Variants in UBAP1 observed in about 807,000 individuals in gnomAD.
UBAP1 encodes ubiquitin associated protein 1.
A neutral mutation model predicts 39.0 loss-of-function variants in UBAP1; 5 were observed. That is an observed-to-expected ratio of 0.13 (90% CI 0.07 to 0.27). The LOEUF (loss-of-function observed/expected upper bound fraction) is 0.27. UBAP1 is among the 10% of genes least tolerant of loss of function. UBAP1 has a pLI of 1.00. For synonymous variants in UBAP1, 211 were observed against 225.1 expected (o/e 0.94, Z 0.56); for missense variants, 490 against 608.1 (o/e 0.81, Z 2.04).
chr9:34,214,738 T>C (rs1330531028), intron 1 of UBAP1, among the ~76,000 whole-genome samples: 1 of 152,070 alleles, frequency 6.6e-6, no homozygotes, highest in East Asian at 1.9e-4. Flanking sequence ...TCATAATGTA[T>C]ACATCTGACA....
intron 1 of UBAP1, among the ~76,000 whole-genome samples, chr9:34,179,469 GA>G (rs1022838641): frequency 8.5e-5 from 13 of 152,050 alleles, no homozygotes; most frequent in East Asian, 1.9e-4. Context: ...GTGGGATGCG[GA>G]AAAATGAGTT....
Position 34,190,773 on chromosome 9 carries a change from A to G in UBAP1, c.-8+11533A>G, listed in dbSNP as rs1410829111. On this transcript the variant is annotated intron_variant, in intron 1 of 6. Coordinates refer to ENST00000297661, the MANE Select transcript of UBAP1 (RefSeq NM_016525.5). ...TACCTCAGCCTCCCGAGTAGCTGGG[A>G]CTGCAGGCTCATGCCACCATGCCTG... Among the ~76,000 whole-genome samples, 3 of 146,516 alleles carry G rather than the reference A, an allele frequency of 2.0e-5. No homozygotes were observed. In the South Asian group the frequency reaches 6.5e-4, roughly 32 times the overall value.
In UBAP1 at chr9:34,241,625, G is replaced by A. The variant is rs1388063934; in HGVS notation, c.600G>A (p.Leu200=). 1 of 1,614,040 alleles carries A rather than the reference G, an allele frequency of 6.2e-7. No individual in the cohort carries two copies. Among genetic ancestry groups the A allele is most frequent in the Admixed American group, 1.7e-5 (1 of 60,012 alleles). The change falls in exon 4 of 7, where the codon TTG becomes TTA. Residue 200 remains leucine, a synonymous_variant. Transcript: ENST00000297661. ...PIMAQLLDNN[L]PRGGSGSVLQ... ...TGGCTCAGTTATTGGACAATAACTT[G>A]CCCAGGGGAGGCTCTGGGTCTGTGT...
At chr9:34,206,684 A>G (rs1306884941) in intron 1 of UBAP1, among the ~76,000 whole-genome samples, 4 of 152,074 alleles carry the variant, frequency 2.6e-5, no homozygotes, top group Non-Finnish European at 5.9e-5. Context: ...TTGGCTCGCT[A>G]GCTGTATGTG....
intron 2 of UBAP1, among the ~76,000 whole-genome samples, chr9:34,226,644 G>A (rs1833123784): frequency 6.6e-6 from 1 of 152,160 alleles, no homozygotes; most frequent in South Asian, 2.1e-4. Context: ...GGGAGTTCAA[G>A]GTTATAGTGA....
intron 4 of UBAP1, among the ~76,000 whole-genome samples, chr9:34,247,612 T>C (rs1834245066): frequency 6.6e-6 from 1 of 151,944 alleles, no homozygotes; most frequent in Non-Finnish European, 1.5e-5. Flanking sequence ...TTAGTAGAGA[T>C]GGGGTTTCTC....
At chr9:34,206,014 G>C (rs940251418) in intron 1 of UBAP1, 9 of 152,314 alleles carry the variant, frequency 5.9e-5, no homozygotes, top group African/African-American at 2.2e-4. Context: ...ACAAAAAACA[G>C]TTTGGGTCAA....
chr9:34,194,319 CTT>C (rs562506841), intron 1 of UBAP1, among the ~76,000 whole-genome samples: 68 of 143,704 alleles, frequency 4.7e-4, no homozygotes, highest in African/African-American at 1.5e-3. Flanking sequence ...AATTCTCTCT[CTT>C]TTTTTTTTTT....
chr9:34,179,102 G>A lies in UBAP1; in HGVS notation c.-146G>A. The A allele has an allele frequency of 7.8e-7, 1 of 1,279,870 alleles. No individual in the cohort carries two copies. Among genetic ancestry groups the A allele is most frequent in the Non-Finnish European group, 9.9e-7 (1 of 1,011,064 alleles). 79.3% of individuals were successfully genotyped at this position (1,279,870 alleles called of 1,614,324 possible). A position where few individuals can be genotyped will look rare whatever the true frequency, so the allele number is the denominator to read the frequency against. On this transcript the variant is annotated 5_prime_UTR_variant, in exon 1 of 7. It introduces an in-frame stop codon into an upstream open reading frame of the 5' UTR. Transcript: ENST00000297661. ...TGGCGGTGGCTACGGTGACGGCCTG[G>A]CCCGGAGCGGGCAGAGTTGGAGGTG...
intron 4 of UBAP1, among the ~76,000 whole-genome samples, chr9:34,247,790 C>T (rs1175512787): frequency 6.6e-6 from 1 of 152,140 alleles, no homozygotes; most frequent in African/African-American, 2.4e-5. Context: ...TAACCTAACA[C>T]CCTGTGCTGG....
chr9:34,238,707 G>A (rs920002111), intron 3 of UBAP1, among the ~76,000 whole-genome samples: 3 of 152,080 alleles, frequency 2.0e-5, no homozygotes, highest in South Asian at 2.1e-4. Flanking sequence ...ACTTTGTAAC[G>A]TTTTTCCATG....
intron 2 of UBAP1, among the ~76,000 whole-genome samples, chr9:34,231,149 G>A (rs912705738): frequency 6.6e-6 from 1 of 150,922 alleles, no homozygotes; most frequent in South Asian, 2.1e-4. Context: ...GTGTGTGTGT[G>A]TGTGTGTGTG....
At chr9:34,249,744 GTCT>G (rs1343070346) in intron 4 of UBAP1, 32 bp from the exon 5 acceptor site, 19 of 1,604,026 alleles carry the variant, frequency 1.2e-5, no homozygotes, top group African/African-American at 2.7e-5. Flanking sequence ...GGGGGCCCAG[GTCT>G]TCTTGCCTTA....
intron 1 of UBAP1, among the ~76,000 whole-genome samples, chr9:34,192,451 G>T (rs113181994): frequency 1.4e-5 from 2 of 147,578 alleles, no homozygotes; most frequent in African/African-American, 5.0e-5. Context: ...GGAGGTGGAG[G>T]TTGCAGTGAG....
chr9:34,207,653 A>G (rs1350501402), intron 1 of UBAP1, among the ~76,000 whole-genome samples: 1 of 132,448 alleles, frequency 7.6e-6, no homozygotes, highest in Admixed American at 7.6e-5. Flanking sequence ...ATTTCTTTTT[A>G]TTTATTTCTT....
chr9:34,217,108 T>C (rs988443636), intron 1 of UBAP1, among the ~76,000 whole-genome samples: 1 of 152,166 alleles, frequency 6.6e-6, no homozygotes, highest in Non-Finnish European at 1.5e-5. Flanking sequence ...TATTTATTTA[T>C]GATAAATATT....
intron 2 of UBAP1, among the ~76,000 whole-genome samples, chr9:34,226,586 A>G (rs1310773244): frequency 6.6e-6 from 1 of 152,176 alleles, no homozygotes; most frequent in Non-Finnish European, 1.5e-5. Flanking sequence ...GAGCTTCTCT[A>G]TAGTCCTAGC....
At chr9:34,206,720 T>C (rs1362763998) in intron 1 of UBAP1, among the ~76,000 whole-genome samples, 1 of 152,172 alleles carries the variant, frequency 6.6e-6, no homozygotes, top group Admixed American at 6.6e-5. Context: ...ATTTCTACAT[T>C]TGGTCAGTTG....
intron 1 of UBAP1, among the ~76,000 whole-genome samples, chr9:34,211,802 C>CT (rs1832033315): frequency 6.6e-6 from 1 of 151,904 alleles, no homozygotes; most frequent in Admixed American, 6.6e-5. Flanking sequence ...CTCTTGTTAC[C>CT]TGTTTCCCCA....
Sources: gnomAD v4.1 joint callset for allele counts (sites outside exome capture counted in the v4.1 genomes callset) on GRCh38, gnomAD v4.1.1 for gene constraint, MANE v1.5 for transcripts, NCBI Gene and HGNC (gene_info 2026-07-23, HGNC 2026-07-21) for gene names.